MMP26: variants seen among roughly 807,000 people sequenced by gnomAD.
MMP26 encodes matrix metalloproteinase-26.
Under a neutral mutation model 31.0 loss-of-function variants are expected in MMP26, and 33 were observed. The ratio of observed to expected loss-of-function variants is 1.06; its 90% CI spans 0.81 to 1.42. MMP26 has a LOEUF of 1.42. Ranked by LOEUF, MMP26 falls within the 40% of genes most tolerant of loss-of-function variation. The pLI, the probability that MMP26 is intolerant of heterozygous loss-of-function variation, is 0.00. For synonymous variants in MMP26, 122 were observed against 114.9 expected, an observed-to-expected ratio of 1.06 and a Z score of -0.40; for missense variants, 347 against 316.1, an observed-to-expected ratio of 1.10 and a Z score of -0.74.
chr11:4,848,390 C>A (rs763366600), intron 2 of MMP26: 2 of 1,613,982 alleles, frequency 1.2e-6, no homozygotes, highest in Non-Finnish European at 1.7e-6. Context: ...GAGTGATTGG[C>A]AGCTCAGGAT....
At position 4,859,849 on chromosome 11, in the gene MMP26, G is replaced by A. The variant is rs74054606; in HGVS notation, c.-145+92508G>A. The A allele has an allele frequency of 3.9e-3, 1,827 of 471,260 alleles. 34 individuals are homozygous for A. Among genetic ancestry groups the A allele is most frequent in the African/African-American group, 0.033 (1,673 of 50,148 alleles). The allele number at this position is 471,260 out of a possible 1,614,324, so 29.2% of individuals were successfully genotyped here. A position where few individuals can be genotyped will look rare whatever the true frequency, so the allele number is the denominator to read the frequency against. On this transcript the variant is annotated intron_variant, in intron 2 of 7. Transcript: ENST00000380390. ...CATGTGAGAGAGGCATGTGCTGAGG[G>A]TTTTCAGCCTTTCACCTCTGGAGAC...
chr11:4,768,489 C>A (rs1181998489), intron 2 of MMP26, among the ~76,000 whole-genome samples: 2 of 152,182 alleles, frequency 1.3e-5, no homozygotes, highest in Non-Finnish European at 2.9e-5. Context: ...ATGACTTTGG[C>A]AGAGTATGTA....
At chr11:4,769,274 C>T in intron 2 of MMP26, 1 of 1,613,724 alleles carries the variant, frequency 6.2e-7, no homozygotes, top group South Asian at 1.1e-5. Flanking sequence ...CAGGACAATG[C>T]ATGGTGTATC....
chr11:4,985,525 A>G (rs1245714759), intron 2 of MMP26, among the ~76,000 whole-genome samples: 16 of 152,122 alleles, frequency 1.1e-4, no homozygotes, highest in Admixed American at 6.5e-5. Flanking sequence ...TCTTTAGCAC[A>G]TAACGTTCTT....
intron 2 of MMP26, among the ~76,000 whole-genome samples, chr11:4,981,825 T>C (rs1846817740): frequency 6.6e-6 from 1 of 151,128 alleles, no homozygotes; most frequent in East Asian, 1.9e-4. Context: ...GTTTTTTTCT[T>C]TTTTTTCTTT....
At chr11:4,767,828 A>G (rs1355909741) in intron 2 of MMP26, among the ~76,000 whole-genome samples, 1 of 152,160 alleles carries the variant, frequency 6.6e-6, no homozygotes, top group Non-Finnish European at 1.5e-5. Context: ...TGGCAATAAA[A>G]TTGATGTGAC....
rs1846935875 is a variant in MMP26 at position 4,988,275 on chromosome 11, C to T, written c.64C>T (p.Pro22Ser). Reference protein sequence around the residue: ...LPWCFAVPVPPAADHKGWDFV... With the variant: ...LPWCFAVPVPSAADHKGWDFV... ...CTGGTGTTTCGCCGTTCCAGTGCCCCCTGCTGCAGACCATAAAGGATGGGA... is the reference window on the plus strand; with the variant it reads ...CTGGTGTTTCGCCGTTCCAGTGCCCTCTGCTGCAGACCATAAAGGATGGGA... Residue 22 changes from proline to serine, a missense_variant, in exon 3 of 8, where the codon CCT becomes TCT. Coordinates refer to ENST00000380390, the MANE Select transcript of MMP26 (RefSeq NM_021801.5). 1 of 1,613,888 alleles carries T rather than the reference C, an allele frequency of 6.2e-7. No individual in the cohort carries two copies. The highest frequency in any genetic ancestry group is 1.3e-5 in the African/African-American group (1 of 74,844).
intron 2 of MMP26, among the ~76,000 whole-genome samples, chr11:4,811,850 T>C (rs1393216595): frequency 6.6e-6 from 1 of 152,144 alleles, no homozygotes; most frequent in Non-Finnish European, 1.5e-5. Context: ...GTAGGGGATT[T>C]CAAGGTGAAA....
At chr11:4,859,226 T>C (rs1001834242) in intron 2 of MMP26, among the ~76,000 whole-genome samples, 2 of 152,082 alleles carry the variant, frequency 1.3e-5, no homozygotes, top group African/African-American at 2.4e-5. Flanking sequence ...ACAAATGGGA[T>C]CTAATTAAAC....
chr11:4,828,712 G>A (rs1278683017), intron 2 of MMP26, among the ~76,000 whole-genome samples: 8 of 152,094 alleles, frequency 5.3e-5, no homozygotes, highest in Non-Finnish European at 1.0e-4. Context: ...CTCTTGGTTC[G>A]ACACTTATGT....
chr11:4,881,975 C>T (rs1254605516), intron 2 of MMP26: 3 of 1,613,792 alleles, frequency 1.9e-6, no homozygotes, highest in African/African-American at 1.3e-5. Context: ...GGAATGTGCT[C>T]ATGTCTGGAT....
intron 2 of MMP26, among the ~76,000 whole-genome samples, chr11:4,796,091 A>G (rs1849104928): frequency 6.6e-6 from 1 of 152,012 alleles, no homozygotes; most frequent in Non-Finnish European, 1.5e-5. Flanking sequence ...CAGGTGGGAG[A>G]TGGCTATGTC....
chr11:4,811,364 C>T (rs369749224), intron 2 of MMP26, among the ~76,000 whole-genome samples: 9 of 152,132 alleles, frequency 5.9e-5, no homozygotes, highest in Admixed American at 2.0e-4. Flanking sequence ...CCAACCTCCA[C>T]GCTCAAGTAG....
intron 2 of MMP26, chr11:4,859,851 T>C (rs1463155855): frequency 4.2e-6 from 2 of 471,032 alleles, no homozygotes; most frequent in African/African-American, 2.0e-5. Flanking sequence ...TGCTGAGGGT[T>C]TTCAGCCTTT....
At chr11:4,985,860 A>AT (rs1206828428) in intron 2 of MMP26, among the ~76,000 whole-genome samples, 5 of 152,198 alleles carry the variant, frequency 3.3e-5, no homozygotes, top group African/African-American at 1.2e-4. Context: ...ATAAATTTCT[A>AT]TTGTGCTCCT....
chr11:4,736,950 G>T (rs927907917), intron 1 of MMP26: 2 of 153,186 alleles, frequency 1.3e-5, no homozygotes, highest in Admixed American at 6.5e-5. Flanking sequence ...ACTCAGTGAT[G>T]ATGACAAATA....
At chr11:4,793,140 C>T (rs1849054412) in intron 2 of MMP26, among the ~76,000 whole-genome samples, 1 of 152,146 alleles carries the variant, frequency 6.6e-6, no homozygotes, top group South Asian at 2.1e-4. Context: ...CCTACTTTTA[C>T]ATAAATAATC....
intron 2 of MMP26, among the ~76,000 whole-genome samples, chr11:4,817,399 T>C (rs1335874232): frequency 6.6e-6 from 1 of 151,890 alleles, no homozygotes; most frequent in Admixed American, 6.6e-5. Flanking sequence ...GCCTGGACAA[T>C]GTAATGGGGC....
chr11:4,853,524 G>T (rs1850004409), intron 2 of MMP26, among the ~76,000 whole-genome samples: 1 of 151,642 alleles, frequency 6.6e-6, no homozygotes, highest in South Asian at 2.1e-4. Context: ...ATGCAATGTG[G>T]GATAACACTA....
Sources: allele counts gnomAD v4.1 joint callset (sites outside exome capture counted in the v4.1 genomes callset), GRCh38; gene constraint gnomAD v4.1.1; transcripts MANE v1.5; gene names NCBI Gene and HGNC (gene_info 2026-07-23, HGNC 2026-07-21).